The following GAS7 variants were observed in gnomAD, a reference collection of about 807,000 sequenced individuals.
GAS7 encodes the protein growth arrest specific 7.
In GAS7, 28 loss-of-function variants were observed where a neutral mutation model predicts 71.1. The observed-to-expected ratio is 0.39, with a 90% CI of 0.29 to 0.54. The LOEUF is 0.54. Among genes scored for constraint, GAS7 ranks in the 20% least tolerant of loss-of-function variants. The pLI, the probability that GAS7 is intolerant of heterozygous loss-of-function variation, is 0.62. For synonymous variants in GAS7, 258 were observed against 245.8 expected (o/e 1.05, Z -0.46); for missense variants, 436 against 627.8 (o/e 0.69, Z 3.27).
Position 9,918,019 on chromosome 17 carries a change from T to C in GAS7, c.1299A>G (p.Thr433=). The C allele has an allele frequency of 6.2e-7, 1 of 1,613,172 alleles. No homozygotes were observed. The highest frequency in any genetic ancestry group is 1.1e-5 in the South Asian group (1 of 91,060). Residue 433 remains threonine, a synonymous_variant, in exon 13 of 14, where the codon ACA becomes ACG. Coordinates refer to ENST00000432992, the MANE Select transcript of GAS7 (RefSeq NM_201433.2). ...LCQYTQLRHE[T]DMFNQSTVEP... Reference sequence around the variant, plus strand: ...AACTCACGCTTTGGTTGAACATGTCTGTTTCATGCCGCAGCTGCGTGTACT... The same window carrying C: ...AACTCACGCTTTGGTTGAACATGTCCGTTTCATGCCGCAGCTGCGTGTACT...
At chr17:10,108,615 A>T (rs1197112662) in intron 1 of GAS7, among the ~76,000 whole-genome samples, 7 of 152,354 alleles carry the variant, frequency 4.6e-5, no homozygotes, top group Admixed American at 4.6e-4. Flanking sequence ...AGATAGCATG[A>T]CGTTCATATA....
Position 9,912,285 on chromosome 17 carries a change from C to T in GAS7, c.*4943G>A, listed in dbSNP as rs539211278. The T allele has an allele frequency of 1.6e-4, 38 of 232,970 alleles. 1 individual carries two copies. Among genetic ancestry groups the T allele is most frequent in the Middle Eastern group, 2.6e-3 (2 of 780 alleles). The allele number at this position is 232,970 out of a possible 1,614,324, so 14.4% of individuals were successfully genotyped here. A position where few individuals can be genotyped will look rare whatever the true frequency, so the allele number is the denominator to read the frequency against. On this transcript the variant is annotated 3_prime_UTR_variant, in exon 14 of 14. Transcript: ENST00000432992. ...CGATTGTGCAGATGAGAGCCAGACACAGCATGAACACGTGTACAGGGTACA... is the reference window on the plus strand; with the variant it reads ...CGATTGTGCAGATGAGAGCCAGACATAGCATGAACACGTGTACAGGGTACA...
At chr17:10,147,923 A>G (rs1597819762) in intron 1 of GAS7, among the ~76,000 whole-genome samples, 1 of 152,150 alleles carries the variant, frequency 6.6e-6, no homozygotes, top group South Asian at 2.1e-4. Context: ...TCTTTTACCA[A>G]CTGCCACTTC....
At chr17:10,171,568 G>T (rs1597833836) in intron 1 of GAS7, among the ~76,000 whole-genome samples, 1 of 152,174 alleles carries the variant, frequency 6.6e-6, no homozygotes, top group African/African-American at 2.4e-5. Context: ...AGACGCTAGG[G>T]GGAAGAAATC....
At position 9,959,117 on chromosome 17, in the gene GAS7, G is replaced by A. The variant is rs2069370236; in HGVS notation, c.525+85C>T. The A allele has an allele frequency of 1.4e-6, 2 of 1,474,030 alleles. No homozygotes were observed. Among genetic ancestry groups the A allele is most frequent in the Admixed American group, 4.0e-5 (2 of 49,760 alleles). 91.3% of individuals were successfully genotyped at this position (1,474,030 alleles called of 1,614,324 possible). The stretch of plus-strand genomic sequence containing the variant: ...TCCAGGTTGGGCATCACTTCTGCTT[G>A]GCGGTCCACATCGCCATGGCAACAG... On this transcript the variant is annotated intron_variant, in intron 5 of 13. Transcript: ENST00000432992. This position sits in a 1 kb window ranked among gnomAD's most constrained non-coding sequence, Gnocchi z 5.0.
intron 1 of GAS7, among the ~76,000 whole-genome samples, chr17:10,141,176 G>A (rs541664754): frequency 2.6e-5 from 4 of 152,348 alleles, no homozygotes; most frequent in African/African-American, 7.2e-5. Flanking sequence ...GGGGCCGGGC[G>A]CGGTGGCTCA....
In GAS7 at chr17:10,174,459, G is replaced by A. The variant is rs187682319; in HGVS notation, c.183+23749C>T. On this transcript the variant is annotated intron_variant, in intron 1 of 13. Transcript: ENST00000432992. ...TATAATCCCAGCACTCTGGGAGGCC[G>A]AGACGGGCGGATCACGAGGTCAGGA... Among the ~76,000 whole-genome samples, 12 of 152,274 alleles carry A rather than the reference G, an allele frequency of 7.9e-5. No homozygotes were observed. In the East Asian group the frequency reaches 2.3e-3, roughly 30 times the overall value.
rs113903452 is a variant in GAS7 at position 9,926,069 on chromosome 17, T to G, written c.1015-470A>C. Among the ~76,000 whole-genome samples the G allele has an allele frequency of 3.0e-3, 451 of 152,198 alleles. 1 individual carries two copies. Among genetic ancestry groups the G allele is most frequent in the Middle Eastern group, 6.8e-3 (2 of 294 alleles). On this transcript the variant is annotated intron_variant, in intron 10 of 13. Transcript: ENST00000432992. The surrounding 1 kb of genome is among the most constrained non-coding windows in gnomAD (Gnocchi z 5.0). Reference sequence around the variant, plus strand: ...CTCCAGGCCACCACTGGCATCTCTGTGGTCCTTGGGTGGCGGCAGTTGGCT... The same window carrying G: ...CTCCAGGCCACCACTGGCATCTCTGGGGTCCTTGGGTGGCGGCAGTTGGCT...
intron 1 of GAS7, among the ~76,000 whole-genome samples, chr17:10,197,613 G>A (rs949890565): frequency 6.6e-6 from 1 of 152,232 alleles, no homozygotes; most frequent in East Asian, 1.9e-4. Context: ...CTGGACCAGG[G>A]GAGCAGGCAG....
chr17:10,126,409 CAA>C (rs2073948621), intron 1 of GAS7, among the ~76,000 whole-genome samples: 1 of 150,682 alleles, frequency 6.6e-6, no homozygotes, highest in Non-Finnish European at 1.5e-5. Flanking sequence ...CACAAACGTG[CAA>C]ACACGCACAC....
At chr17:9,961,792 G>A (rs1378665163) in intron 4 of GAS7, among the ~76,000 whole-genome samples, 3 of 152,166 alleles carry the variant, frequency 2.0e-5, no homozygotes, top group African/African-American at 7.2e-5. Flanking sequence ...ACTGTCCAGG[G>A]TCACAAGGCT....
At chr17:9,945,972 T>C (rs1339414450) in intron 6 of GAS7, among the ~76,000 whole-genome samples, 1 of 151,818 alleles carries the variant, frequency 6.6e-6, no homozygotes, top group Non-Finnish European at 1.5e-5. Flanking sequence ...TGAGACAGAG[T>C]GAGACTCTGT....
intron 1 of GAS7, among the ~76,000 whole-genome samples, chr17:10,132,638 C>T (rs146359847): frequency 3.0e-4 from 45 of 152,044 alleles, no homozygotes; most frequent in African/African-American, 9.6e-4. Context: ...TATGGTGGTG[C>T]GCGCCTGTAG....
At chr17:10,140,611 T>C (rs1198595149) in intron 1 of GAS7, among the ~76,000 whole-genome samples, 3 of 152,194 alleles carry the variant, frequency 2.0e-5, no homozygotes, top group Non-Finnish European at 4.4e-5. Context: ...CATGTGTGTT[T>C]ATGTACATGA....
chr17:9,991,106 A>G (rs1424368428), intron 2 of GAS7, among the ~76,000 whole-genome samples: 1 of 152,196 alleles, frequency 6.6e-6, no homozygotes, highest in East Asian at 1.9e-4. Flanking sequence ...AAGAACAACA[A>G]TAAGACAAAA....
intron 1 of GAS7, among the ~76,000 whole-genome samples, chr17:10,163,890 G>A (rs2074273894): frequency 6.6e-6 from 1 of 152,220 alleles, no homozygotes; most frequent in Non-Finnish European, 1.5e-5. Flanking sequence ...CTCATGGAGT[G>A]AGGATTACAT....
intron 1 of GAS7, among the ~76,000 whole-genome samples, chr17:10,127,959 C>G (rs2073963525): frequency 6.6e-6 from 1 of 152,210 alleles, no homozygotes; most frequent in African/African-American, 2.4e-5. Context: ...CCCTAAACAT[C>G]TGGGGCTTAG....
intron 2 of GAS7, among the ~76,000 whole-genome samples, chr17:9,984,188 G>A (rs1448996978): frequency 1.3e-5 from 2 of 152,120 alleles, no homozygotes; most frequent in Admixed American, 6.6e-5. Flanking sequence ...ACTCAACTTT[G>A]CTCCTAAACT....
At chr17:9,962,239 T>TATACAC (rs1555605518) in intron 4 of GAS7, among the ~76,000 whole-genome samples, 2 of 148,614 alleles carry the variant, frequency 1.3e-5, no homozygotes, top group Admixed American at 6.7e-5. Flanking sequence ...GTGCATTTTA[T>TATACAC]ACACACACAC....
Sources: gnomAD v4.1 joint callset for allele counts (sites outside exome capture counted in the v4.1 genomes callset) on GRCh38, gnomAD v4.1.1 for gene constraint, Gnocchi (gnomAD v3.1) non-coding constraint, MANE v1.5 for transcripts, NCBI Gene and HGNC (gene_info 2026-07-23, HGNC 2026-07-21) for gene names.